Variants in AKAP11 observed in about 807,000 individuals in gnomAD.
The protein encoded by AKAP11 is A-kinase anchor protein 11.
Under a neutral mutation model 146.1 loss-of-function variants are expected in AKAP11, and 36 were observed. That is an observed-to-expected ratio of 0.25 (90% confidence interval 0.19 to 0.33). The LOEUF (loss-of-function observed/expected upper bound fraction) is 0.33, where lower values mean the gene tolerates loss of function less well. Ranked by LOEUF, AKAP11 falls within the 10% of genes least tolerant of loss-of-function variation. The probability of loss-of-function intolerance (pLI) is 1.00; values close to 1 mark genes in which losing one functional copy is unlikely to be tolerated. For synonymous variants in AKAP11, 780 were observed against 786.5 expected (o/e 0.99, Z 0.14); for missense variants, 2,201 against 2,197.0 (o/e 1.00, Z -0.04).
chr13:42,302,164 A>C lies in AKAP11; in HGVS notation c.3418A>C (p.Thr1140Pro), dbSNP rs753933295. ...KEFAPATPPS[T>P]PHNSSVGSLS... ...GTTTGCACCTGCTACACCACCTTCTACTCCACACAACTCATCTGTTGGTAG... is the reference window on the plus strand; with the variant it reads ...GTTTGCACCTGCTACACCACCTTCTCCTCCACACAACTCATCTGTTGGTAG... The change falls in exon 8 of 13, where the codon ACT becomes CCT. Residue 1140 changes from threonine (T) to proline (P), a missense_variant. Thr to Pro is a conservative substitution (Grantham distance 38). Transcript: ENST00000025301. 2.5e-6 allele frequency: 4 copies of C among 1,614,060 alleles called. No homozygotes were observed. Among genetic ancestry groups the C allele is most frequent in the Non-Finnish European group, 2.5e-6 (3 of 1,179,968 alleles).
At chr13:42,314,327 C>T (rs1960710682) in intron 11 of AKAP11, among the ~76,000 whole-genome samples, 2 of 151,690 alleles carry the variant, frequency 1.3e-5, no homozygotes, top group African/African-American at 2.4e-5. Context: ...CACCTGTAAT[C>T]CCAGCTATTT....
chr13:42,292,198 C>A (rs1242420778), intron 3 of AKAP11, among the ~76,000 whole-genome samples, 187 bp from the exon 4 acceptor site: 4 of 152,094 alleles, frequency 2.6e-5, no homozygotes, highest in Non-Finnish European at 5.9e-5. Flanking sequence ...ATGTGAAACT[C>A]TGCCTAAACC....
At position 42,293,844 on chromosome 13, in the gene AKAP11, G is replaced by T. The variant is rs60220287; in HGVS notation, c.168+1343G>T. On this transcript the variant is annotated intron_variant, in intron 4 of 12. Coordinates refer to ENST00000025301, the MANE Select transcript of AKAP11 (RefSeq NM_016248.4). ...GATGGAATTTCTATTCCATTTTAGG[G>T]TGTGCAAATCTCTGAGTATCTTTTC... is the stretch of plus-strand genomic sequence containing the variant. 4.3e-3 allele frequency among the ~76,000 whole-genome samples: 662 copies of T among 152,264 alleles called. 6 individuals carry two copies. The highest frequency in any genetic ancestry group is 0.016 in the African/African-American group (644 of 41,546).
At position 42,317,586 on chromosome 13, in the gene AKAP11, G is replaced by A. The variant is rs767009021; in HGVS notation, c.5463G>A (p.Thr1821=). ...LITNIDMEPC[T]VDPQLRIILQ... ...CGAATATTGACATGGAGCCATGCAC[G>A]GTAGACCCCCAGCTAAGGATTATTC... The change falls in exon 12 of 13, where the codon ACG becomes ACA. Residue 1821 remains threonine (T), a synonymous_variant. Coordinates refer to ENST00000025301, the MANE Select transcript of AKAP11 (RefSeq NM_016248.4). The A allele has an allele frequency of 7.4e-6, 12 of 1,613,994 alleles. No homozygotes were observed. Among genetic ancestry groups the A allele is most frequent in the Admixed American group, 6.7e-5 (4 of 59,992 alleles).
In AKAP11 at chr13:42,301,904, C is replaced by T; in HGVS notation, c.3158C>T (p.Thr1053Ile). The stretch of plus-strand genomic sequence containing the variant: ...CTGAAAAAGCATAACTTGAATAGTA[C>T]ATCACTTGAGGCCTTGTCTTTTGGA... ...QPLKKHNLNS[T>I]SLEALSFGQE... is the part of the protein sequence containing the mutation. Residue 1053 changes from threonine to isoleucine, a missense_variant, in exon 8 of 13, where the codon ACA (threonine) becomes ATA (isoleucine). Coordinates refer to ENST00000025301, the MANE Select transcript of AKAP11 (RefSeq NM_016248.4). The T allele has an allele frequency of 2.5e-6, 4 of 1,614,158 alleles. No homozygotes were observed. Among genetic ancestry groups the T allele is most frequent in the Non-Finnish European group, 3.4e-6 (4 of 1,180,012 alleles).
At chr13:42,288,302 A>G (rs1052417176) in intron 3 of AKAP11, among the ~76,000 whole-genome samples, 1 of 152,200 alleles carries the variant, frequency 6.6e-6, no homozygotes, top group African/African-American at 2.4e-5. Context: ...TATTATGAAA[A>G]ATTTCAAACA....
At position 42,301,338 on chromosome 13, in the gene AKAP11, A is replaced by G; in HGVS notation, c.2592A>G (p.Lys864=). Residue 864 remains lysine, a synonymous_variant, in exon 8 of 13, where the codon AAA becomes AAG. Transcript: ENST00000025301. ...ATATTGAAATGCAGAGTTCCTCAAAATTACCAAATGATCCTGCAATTATTA... is the reference window on the plus strand; with the variant it reads ...ATATTGAAATGCAGAGTTCCTCAAAGTTACCAAATGATCCTGCAATTATTA... The part of the protein sequence containing the change: ...NDDIEMQSSS[K]LPNDPAIISN... 1.2e-6 allele frequency: 2 copies of G among 1,614,000 alleles called. No individual in the cohort carries two copies. Among genetic ancestry groups the G allele is most frequent in the Non-Finnish European group, 1.7e-6 (2 of 1,179,972 alleles).
At chr13:42,295,779 G>A (rs1397214634) in intron 5 of AKAP11, 37 bp downstream of exon 5, 1 of 1,589,668 alleles carries the variant, frequency 6.3e-7, no homozygotes, top group East Asian at 2.2e-5. Flanking sequence ...GAGTATTCTT[G>A]TCATGGAAAT....
At chr13:42,316,639 A>G (rs1960835116) in intron 11 of AKAP11, among the ~76,000 whole-genome samples, 1 of 152,224 alleles carries the variant, frequency 6.6e-6, no homozygotes, top group Non-Finnish European at 1.5e-5. Flanking sequence ...GATTAAGAGC[A>G]TGGAGCCAGA....
In AKAP11 at chr13:42,322,786, T is replaced by A. The variant is rs1961139861; in HGVS notation, c.*3558T>A. On this transcript the variant is annotated 3_prime_UTR_variant, in exon 13 of 13. Coordinates refer to ENST00000025301, the MANE Select transcript of AKAP11 (RefSeq NM_016248.4). ...CTTTATTTATTTATTGGTTTTTTTT[T>A]AACCATCTGTGTACATTCCTTTCAT... 6.5e-6 allele frequency: 1 copy of A among 152,738 alleles called. No individual in the cohort carries two copies. The highest frequency in any genetic ancestry group is 6.5e-5 in the Admixed American group (1 of 15,280). The allele number at this position is 152,738 out of a possible 1,614,324, so 9.5% of individuals were successfully genotyped here. A position where few individuals can be genotyped will look rare whatever the true frequency, so the allele number is the denominator to read the frequency against.
In AKAP11 at chr13:42,302,289, G is replaced by A; in HGVS notation, c.3543G>A (p.Glu1181=). 6.2e-7 allele frequency: 1 copy of A among 1,614,166 alleles called. No homozygotes were observed. Among genetic ancestry groups the A allele is most frequent in the Non-Finnish European group, 8.5e-7 (1 of 1,180,018 alleles). The change falls in exon 8 of 13, where the codon GAG becomes GAA. Residue 1181 remains glutamate, a synonymous_variant. Transcript: ENST00000025301. ...SEEVESSESG[E]LPEVDVKSEH... is the part of the protein sequence containing the mutation. ...AAGTTGAGAGTAGTGAAAGTGGAGA[G>A]CTCCCAGAAGTGGATGTGAAGTCGG...
chr13:42,289,650 A>C lies in AKAP11; in HGVS notation c.52-2735A>C, dbSNP rs1177937830. On this transcript the variant is annotated intron_variant, in intron 3 of 12. Coordinates refer to ENST00000025301, the MANE Select transcript of AKAP11 (RefSeq NM_016248.4). ...CTACTTTACCTTCCTCAGACCTGAA[A>C]TTGGCTATTTTTTTTTTAAAGAACC... 9.2e-5 allele frequency among the ~76,000 whole-genome samples: 14 copies of C among 152,142 alleles called. No individual in the cohort carries two copies. In the East Asian group the frequency reaches 2.7e-3, roughly 29 times the overall value.
At chr13:42,315,497 G>A (rs1448972294) in intron 11 of AKAP11, among the ~76,000 whole-genome samples, 5 of 152,034 alleles carry the variant, frequency 3.3e-5, no homozygotes, top group East Asian at 1.9e-4. Context: ...GCTATACATC[G>A]TATAAATGCA....
chr13:42,315,296 G>A (rs1420074781), intron 11 of AKAP11, among the ~76,000 whole-genome samples: 1 of 151,952 alleles, frequency 6.6e-6, no homozygotes, highest in Non-Finnish European at 1.5e-5. Flanking sequence ...TTTATATAAG[G>A]CTTCTAGAAG....
At chr13:42,273,204 T>C (rs1005129292) in intron 1 of AKAP11, among the ~76,000 whole-genome samples, 2 of 152,214 alleles carry the variant, frequency 1.3e-5, no homozygotes, top group African/African-American at 4.8e-5. Context: ...TCGATTGTTA[T>C]TTTGTTATGT....
rs191877745 is a variant in AKAP11 at position 42,287,301 on chromosome 13, T to G, written c.51+902T>G. 9.2e-3 allele frequency among the ~76,000 whole-genome samples: 1,406 copies of G among 152,096 alleles called. 12 individuals are homozygous for G. Among genetic ancestry groups the G allele is most frequent in the South Asian group, 0.035 (166 of 4,810 alleles). On this transcript the variant is annotated intron_variant, in intron 3 of 12. Coordinates refer to ENST00000025301, the MANE Select transcript of AKAP11 (RefSeq NM_016248.4). ...AGTATGTTAATTACTTTTTTTTTTT[T>G]GGGACACAGTTTCGCTCTGTTGCCC...
At chr13:42,311,508 G>T (rs927080853) in intron 9 of AKAP11, among the ~76,000 whole-genome samples, 3 of 152,022 alleles carry the variant, frequency 2.0e-5, no homozygotes, top group Non-Finnish European at 4.4e-5. Flanking sequence ...TATGAAGAAT[G>T]ACTTCAAATA....
At position 42,301,527 on chromosome 13, in the gene AKAP11, A is replaced by G. The variant is rs779204522; in HGVS notation, c.2781A>G (p.Gln927=). The G allele has an allele frequency of 2.9e-5, 47 of 1,614,002 alleles. No homozygotes were observed. The highest frequency in any genetic ancestry group is 1.4e-4 in the South Asian group (13 of 91,086). Residue 927 remains glutamine, a synonymous_variant, in exon 8 of 13, where the codon CAA becomes CAG. Transcript: ENST00000025301. ...PFSHCDQAVL[Q]CSEASSNKDM... is the part of the protein sequence containing the mutation. ...CCCACTGTGATCAGGCAGTGCTGCA[A>G]TGCAGTGAAGCTAGTAGCAATAAGG...
chr13:42,287,894 G>A (rs1472903827), intron 3 of AKAP11, among the ~76,000 whole-genome samples: 3 of 152,142 alleles, frequency 2.0e-5, no homozygotes, highest in Non-Finnish European at 4.4e-5. Flanking sequence ...CAGAGATTCA[G>A]GGATTAGACA....
Sources: gnomAD v4.1 joint callset for allele counts (sites outside exome capture counted in the v4.1 genomes callset) on GRCh38, gnomAD v4.1.1 for gene constraint, MANE v1.5 for transcripts, NCBI Gene and HGNC (gene_info 2026-07-23, HGNC 2026-07-21) for gene names.